The following ASIC4 variants were observed in gnomAD, a reference collection of about 807,000 sequenced individuals.
The protein encoded by ASIC4 is acid sensing ion channel subunit family member 4, also known as acid-sensing ion channel 4.
A neutral mutation model predicts 53.4 loss-of-function variants in ASIC4; 28 were observed. That is an observed-to-expected ratio of 0.52 (90% CI 0.39 to 0.72). The LOEUF is 0.72. Among genes scored for constraint, ASIC4 ranks in the 30% least tolerant of loss-of-function variants. ASIC4 has a pLI of 0.00. For synonymous variants in ASIC4, 289 were observed against 301.4 expected, an observed-to-expected ratio of 0.96 and a Z score of 0.43; for missense variants, 649 against 729.7, an observed-to-expected ratio of 0.89 and a Z score of 1.27.
At chr2:219,527,781 A>G (rs1559117831) in intron 1 of ASIC4, among the ~76,000 whole-genome samples, 1 of 152,266 alleles carries the variant, frequency 6.6e-6, no homozygotes. Context: ...AAAAGCACCT[A>G]TCACAGGACT....
Position 219,538,052 on chromosome 2 carries a change from T to G in ASIC4, c.*6T>G, listed in dbSNP as rs778846521. The G allele has an allele frequency of 6.8e-6, 11 of 1,608,080 alleles. No individual in the cohort carries two copies. The South Asian group carries it at 1.2e-4, about 18-fold the overall frequency. ...TTGAAGATTTTGCTTGCTAGGACGG[T>G]GCTGTGACTGAAAGGACCCAGGAGT... On this transcript the variant is annotated 3_prime_UTR_variant, in exon 10 of 10. Transcript: ENST00000358078.
Position 219,537,286 on chromosome 2 carries a change from C to T in ASIC4, c.1366C>T (p.Leu456Phe). The T allele has an allele frequency of 2.5e-6, 4 of 1,613,682 alleles. No individual in the cohort carries two copies. The highest frequency in any genetic ancestry group is 2.5e-6 in the Non-Finnish European group (3 of 1,179,870). ...QMGLFIGASI[L>F]TLLEILDYIY... ...GGGCCTGTTCATTGGGGCCAGCATC[C>T]TCACGTTGCTGGAGATCCTCGACTA... The change falls in exon 8 of 10, where the codon CTC becomes TTC. Residue 456 changes from leucine (L) to phenylalanine (F), a missense_variant. Leu to Phe is a conservative substitution (Grantham distance 22). Transcript: ENST00000358078. This position sits in a 1 kb window ranked among gnomAD's most constrained non-coding sequence, Gnocchi z 4.9.
chr2:219,514,278 C>G, upstream of ASIC4: 1 of 1,468,682 alleles, frequency 6.8e-7, no homozygotes, highest in East Asian at 2.5e-5. Flanking sequence ...TCCTGACGCC[C>G]GTGCTGCCGG....
rs370911834 is a variant in ASIC4, at chr2:219,538,067, G to A, written c.*21G>A. ...GCTAGGACGGTGCTGTGACTGAAAG[G>A]ACCCAGGAGTCTGGGACCCCTCCTG... On this transcript the variant is annotated 3_prime_UTR_variant, in exon 10 of 10. Transcript: ENST00000358078. 1.1e-5 allele frequency: 18 copies of A among 1,591,632 alleles called. No homozygotes were observed. Among genetic ancestry groups the A allele is most frequent in the Non-Finnish European group, 2.6e-6 (3 of 1,163,302 alleles).
chr2:219,509,079 C>T, the ASIC4 span, among the ~76,000 whole-genome samples: 2 of 151,776 alleles, frequency 1.3e-5, no homozygotes, highest in Non-Finnish European at 2.9e-5. The surrounding 1 kb of genome is among the most constrained non-coding windows in gnomAD (Gnocchi z 5.2). Context: ...GGGAGGCTGG[C>T]CAGGACAGGG....
Position 219,537,907 on chromosome 2 carries a change from C to T in ASIC4, c.1507-26C>T. 1 of 1,568,508 alleles carries T rather than the reference C, an allele frequency of 6.4e-7. No homozygotes were observed. Among genetic ancestry groups the T allele is most frequent in the Non-Finnish European group, 8.7e-7 (1 of 1,150,992 alleles). On this transcript the variant is annotated intron_variant, in intron 9 of 9. Coordinates refer to ENST00000358078, the MANE Select transcript of ASIC4 (RefSeq NM_018674.6). This position sits in a 1 kb window ranked among gnomAD's most constrained non-coding sequence, Gnocchi z 4.9. ...GGCACCACTTGAGCTCTCCCGGTCC[C>T]ACTCTCTCTTTTCTTTCTCCTGCAG...
At chr2:219,514,471 A>C (rs1457334147), upstream of ASIC4, 1 of 1,550,568 alleles carries the variant, frequency 6.4e-7, no homozygotes, top group Non-Finnish European at 8.7e-7. Flanking sequence ...GGAAGCCACA[A>C]GGAGACGATC....
At chr2:219,515,389 G>A in intron 1 of ASIC4, 83 bp downstream of exon 1, 3 of 1,499,176 alleles carry the variant, frequency 2.0e-6, no homozygotes, top group Non-Finnish European at 2.7e-6. Flanking sequence ...GGTGTACAGG[G>A]GCATCCTCAA....
chr2:219,535,230 C>T lies in ASIC4; in HGVS notation c.1135C>T (p.Arg379Cys), dbSNP rs1304140936. ...CTGCCCCACCCCCTGCAACCTGACA[C>T]GCTATGGGAAAGAGATCTCCATGGT... ...CFCPTPCNLT[R>C]YGKEISMVRI... is the part of the protein sequence containing the mutation. The change falls in exon 6 of 10, where the codon CGC becomes TGC. Residue 379 changes from arginine (R) to cysteine (C), a missense_variant. By Grantham distance (180) the Arg-to-Cys change is radical. Transcript: ENST00000358078. 13 of 1,613,914 alleles carry T rather than the reference C, an allele frequency of 8.1e-6. No individual in the cohort carries two copies. Among genetic ancestry groups the T allele is most frequent in the East Asian group, 2.2e-5 (1 of 44,878 alleles).
Position 219,532,810 on chromosome 2 carries a change from G to T in ASIC4, c.1019-73G>T. 2.9e-6 allele frequency: 4 copies of T among 1,393,332 alleles called. No homozygotes were observed. In the Admixed American group the frequency reaches 7.0e-5, roughly 24 times the overall value. 86.3% of individuals were successfully genotyped at this position (1,393,332 alleles called of 1,614,324 possible). On this transcript the variant is annotated intron_variant, in intron 4 of 9. Transcript: ENST00000358078. ...TGCATATGTGTGTGCATGCATGTATGTGCTTACATTTGGGCGTGTGGGGGA... is the reference window on the plus strand; with the variant it reads ...TGCATATGTGTGTGCATGCATGTATTTGCTTACATTTGGGCGTGTGGGGGA...
At chr2:219,512,185 G>A (rs1018574501), upstream of ASIC4, among the ~76,000 whole-genome samples, 9 of 152,052 alleles carry the variant, frequency 5.9e-5, no homozygotes, top group Non-Finnish European at 7.4e-5. Context: ...AGCACCCCCC[G>A]CATGCCCCTT....
intron 1 of ASIC4, among the ~76,000 whole-genome samples, chr2:219,524,504 T>C (rs1193226880): frequency 6.6e-6 from 1 of 152,240 alleles, no homozygotes; most frequent in African/African-American, 2.4e-5. Flanking sequence ...TTAATCTATA[T>C]AAAGTGCTTA....
chr2:219,537,116 C>A lies in ASIC4; in HGVS notation c.1280C>A (p.Ala427Asp). Residue 427 changes from alanine to aspartate, a missense_variant, in exon 7 of 10, where the codon GCC (alanine) becomes GAC (aspartate). Coordinates refer to ENST00000358078, the MANE Select transcript of ASIC4 (RefSeq NM_018674.6). The surrounding 1 kb of genome is among the most constrained non-coding windows in gnomAD (Gnocchi z 4.9). The stretch of plus-strand genomic sequence containing the variant: ...TTCTTTGAGGCCCTGACCTCTGAAG[C>A]CATGGAGCAGCGAGCAGCCTATGGC... ...DVFFEALTSE[A>D]MEQRAAYGLS... The A allele has an allele frequency of 6.2e-7, 1 of 1,614,168 alleles. No homozygotes were observed. Among genetic ancestry groups the A allele is most frequent in the Non-Finnish European group, 8.5e-7 (1 of 1,180,010 alleles).
rs918051157 is a variant in ASIC4, at chr2:219,522,919, G to A, written c.582+7613G>A. On this transcript the variant is annotated intron_variant, in intron 1 of 9. Coordinates refer to ENST00000358078, the MANE Select transcript of ASIC4 (RefSeq NM_018674.6). ...GGGAGGGCGCTCGGGAGCCGTGATG[G>A]ATGCCTGGCCCGCGGGAGGGAGCGG... is the stretch of plus-strand genomic sequence containing the variant. 1.3e-4 allele frequency among the ~76,000 whole-genome samples: 20 copies of A among 152,258 alleles called. 1 individual carries two copies. Among genetic ancestry groups the A allele is most frequent in the African/African-American group, 4.3e-4 (18 of 41,560 alleles).
chr2:219,537,609 T>C lies in ASIC4; in HGVS notation c.1402-23T>C. The C allele has an allele frequency of 6.3e-7, 1 of 1,597,778 alleles. No homozygotes were observed. The highest frequency in any genetic ancestry group is 8.5e-7 in the Non-Finnish European group (1 of 1,171,324). ...CAACCAAATTTCCTGAGCCCACTGC[T>C]GTCCCCGACCCTGAACCCCAAGGTG... On this transcript the variant is annotated intron_variant, in intron 8 of 9. Transcript: ENST00000358078. This position sits in a 1 kb window ranked among gnomAD's most constrained non-coding sequence, Gnocchi z 4.9.
intron 6 of ASIC4, 93 bp downstream of exon 6, chr2:219,535,417 G>A: frequency 7.3e-7 from 1 of 1,372,010 alleles, no homozygotes; most frequent in East Asian, 2.6e-5. Context: ...ACGTGTGTGT[G>A]AGTGTATGTG....
intron 1 of ASIC4, among the ~76,000 whole-genome samples, chr2:219,530,362 G>A (rs577873859): frequency 6.6e-6 from 1 of 152,384 alleles, no homozygotes; most frequent in Non-Finnish European, 1.5e-5. Context: ...TGCTGTCCAT[G>A]CAGGAGAACT....
chr2:219,523,889 C>T (rs1231219589), intron 1 of ASIC4, among the ~76,000 whole-genome samples: 1 of 151,900 alleles, frequency 6.6e-6, no homozygotes, highest in African/African-American at 2.4e-5. Context: ...GGTGCCATCA[C>T]GGTGGCTCCC....
chr2:219,507,655 C>A, the ASIC4 span, among the ~76,000 whole-genome samples: 2 of 152,304 alleles, frequency 1.3e-5, no homozygotes, highest in Admixed American at 1.3e-4. Flanking sequence ...TTGCCCATGA[C>A]CCCCATGTGC....
Sources: allele counts gnomAD v4.1 joint callset (sites outside exome capture counted in the v4.1 genomes callset), GRCh38; gene constraint gnomAD v4.1.1; non-coding constraint Gnocchi (gnomAD v3.1); transcripts MANE v1.5; gene names NCBI Gene and HGNC (gene_info 2026-07-23, HGNC 2026-07-21).